Variants in NFIC observed in about 807,000 individuals in gnomAD.
The protein encoded by NFIC is nuclear factor 1 C-type.
A neutral mutation model predicts 54.4 loss-of-function variants in NFIC; 12 were observed. The ratio of observed to expected loss-of-function variants is 0.22; its 90% CI spans 0.14 to 0.36. The LOEUF (loss-of-function observed/expected upper bound fraction) is 0.36, where lower values mean the gene tolerates loss of function less well. Among genes scored for constraint, NFIC ranks in the 10% least tolerant of loss-of-function variants. The pLI, the probability that NFIC is intolerant of heterozygous loss-of-function variation, is 1.00. For missense variants in NFIC, 575 were observed against 718.2 expected, an observed-to-expected ratio of 0.80 and a Z score of 2.28; for synonymous variants, 322 against 319.2, an observed-to-expected ratio of 1.01 and a Z score of -0.09.
chr19:3,464,227 G>A lies in NFIC; in HGVS notation c.*1458G>A, dbSNP rs747690765. 9.8e-5 allele frequency: 97 copies of A among 985,224 alleles called. No individual in the cohort carries two copies. Among genetic ancestry groups the A allele is most frequent in the Non-Finnish European group, 1.2e-4 (96 of 829,942 alleles). The allele number at this position is 985,224 out of a possible 1,614,324, so 61.0% of individuals were successfully genotyped here. On this transcript the variant is annotated 3_prime_UTR_variant, in exon 11 of 11. Transcript: ENST00000443272. ...CGTGCATCACGGCTGGGCCCCCAGA[G>A]GAGAGAGGAGGCCGACGCCAGCGGT...
intron 2 of NFIC, among the ~76,000 whole-genome samples, chr19:3,407,301 G>A (rs905264580): frequency 6.6e-6 from 1 of 151,784 alleles, no homozygotes; most frequent in Non-Finnish European, 1.5e-5. Flanking sequence ...TTTTAGTAGA[G>A]ACGGGGTTTC....
intron 2 of NFIC, among the ~76,000 whole-genome samples, chr19:3,407,793 G>A (rs1381879406): frequency 6.6e-6 from 1 of 152,130 alleles, no homozygotes; most frequent in Non-Finnish European, 1.5e-5. Context: ...TAGAACAAAC[G>A]TTTGCAGAAA....
At position 3,453,807 on chromosome 19, in the gene NFIC, T is replaced by G. The variant is rs376400951; in HGVS notation, c.1314T>G (p.Ser438=). The G allele has an allele frequency of 3.0e-5, 48 of 1,605,836 alleles. No individual in the cohort carries two copies. The highest frequency in any genetic ancestry group is 4.1e-5 in the Non-Finnish European group (48 of 1,176,624). ...GQLKMPSHCL[S]AQMLAPPPPG... ...TCAAAATGCCCAGCCACTGCCTTTC[T>G]GCTCAGATGCTGGCACCTCCGCCCC... The change falls in exon 9 of 11, where the codon TCT becomes TCG. Residue 438 remains serine, a synonymous_variant. Transcript: ENST00000443272. The surrounding 1 kb of genome is among the most constrained non-coding windows in gnomAD (Gnocchi z 6.7).
chr19:3,384,769 C>T (rs1010820423), intron 2 of NFIC, among the ~76,000 whole-genome samples: 1 of 152,128 alleles, frequency 6.6e-6, no homozygotes, highest in East Asian at 2.0e-4. Context: ...GAGCAACAAA[C>T]CTGCTGGGGT....
intron 1 of NFIC, among the ~76,000 whole-genome samples, chr19:3,378,616 T>C (rs538348369): frequency 3.9e-5 from 6 of 152,188 alleles, no homozygotes; most frequent in Non-Finnish European, 8.8e-5. Context: ...AGTTTCCTCA[T>C]CTGTAGCATG....
rs1238390339 is a variant in NFIC at position 3,458,371 on chromosome 19, A to G, written c.1509+1736A>G. Among the ~76,000 whole-genome samples, 2 of 152,090 alleles carry G rather than the reference A, an allele frequency of 1.3e-5. No homozygotes were observed. Among genetic ancestry groups the G allele is most frequent in the East Asian group, 1.9e-4 (1 of 5,178 alleles). ...TGGTTCAGAAACCAAAGCTAATAAA[A>G]GCTGCGGTGGGAGGAGGCCCAGCCC... is the stretch of plus-strand genomic sequence containing the variant. On this transcript the variant is annotated intron_variant, in intron 10 of 10. Transcript: ENST00000443272. This position sits in a 1 kb window ranked among gnomAD's most constrained non-coding sequence, Gnocchi z 4.1.
chr19:3,421,623 C>T (rs1363759011), intron 2 of NFIC, among the ~76,000 whole-genome samples: 1 of 152,228 alleles, frequency 6.6e-6, no homozygotes, highest in African/African-American at 2.4e-5. Context: ...GGCCCTGCTC[C>T]TGTGCTGTTC....
Position 3,452,685 on chromosome 19 carries a change from A to G in NFIC, c.1269+19A>G, listed in dbSNP as rs8105687. ...TGGACCGGTGAGTTGGGCGGGGCGC[A>G]TTCGGGCCTCTCCTGGCGGCTCCAG... On this transcript the variant is annotated intron_variant, in intron 8 of 10. Transcript: ENST00000443272. This position sits in a 1 kb window ranked among gnomAD's most constrained non-coding sequence, Gnocchi z 5.3. The G allele has an allele frequency of 0.66, 1,038,407 of 1,575,376 alleles. 345,911 individuals carry two copies. Among genetic ancestry groups the G allele is most frequent in the African/African-American group, 0.71 (52,585 of 74,322 alleles).
intron 1 of NFIC, among the ~76,000 whole-genome samples, chr19:3,368,676 T>G (rs566629570): frequency 6.6e-6 from 1 of 151,954 alleles, no homozygotes; most frequent in African/African-American, 2.4e-5. Context: ...GGACCCCCTT[T>G]CCAGTTTGTC....
At chr19:3,451,370 T>TG (rs1219936435) in intron 7 of NFIC, among the ~76,000 whole-genome samples, 1 of 152,040 alleles carries the variant, frequency 6.6e-6, no homozygotes, top group African/African-American at 2.4e-5. Context: ...CAGTGGCTCA[T>TG]GCCTGCAATC....
At chr19:3,428,586 C>T (rs774500665) in intron 3 of NFIC, among the ~76,000 whole-genome samples, 18 of 152,100 alleles carry the variant, frequency 1.2e-4, no homozygotes, top group South Asian at 2.1e-4. Flanking sequence ...GGCCACTCCT[C>T]ACTGGCCCCC....
Position 3,425,145 on chromosome 19 carries a change from C to G in NFIC, c.602C>G (p.Ser201Cys). The change falls in exon 3 of 11, where the codon TCT becomes TGT. Residue 201 changes from serine (S) to cysteine (C), a missense_variant. Around this residue, in one of 3 missense-constraint regions of NFIC, gnomAD observed 447 missense variants for 526.9 expected, o/e 0.85. Transcript: ENST00000443272. ...QSGSPRTGMGSDQEDSKPITL... is the reference protein window; with the variant it reads ...QSGSPRTGMGCDQEDSKPITL... ...GGCAGTCCCCGGACAGGGATGGGCT[C>G]TGACCAGGAGGACAGCAAGCCCATC... 1 of 1,613,024 alleles carries G rather than the reference C, an allele frequency of 6.2e-7. No homozygotes were observed. The highest frequency in any genetic ancestry group is 8.5e-7 in the Non-Finnish European group (1 of 1,179,950).
chr19:3,371,321 A>ACTTTTTTTTTTT (rs1555739022), intron 1 of NFIC: 2 of 124,532 alleles, frequency 1.6e-5, no homozygotes, highest in Non-Finnish European at 1.7e-5. Flanking sequence ...AGGCAGCACA[A>ACTTTTTTTTTTT]TTTTTTTTTT....
chr19:3,414,718 A>G (rs772169424), intron 2 of NFIC, among the ~76,000 whole-genome samples: 8 of 152,190 alleles, frequency 5.3e-5, no homozygotes, highest in Admixed American at 2.0e-4. Flanking sequence ...ATCTAATGTC[A>G]GAACCCACGA....
At chr19:3,435,323 G>C in intron 6 of NFIC, 116 bp downstream of exon 6, 1 of 1,370,756 alleles carries the variant, frequency 7.3e-7, no homozygotes, top group Non-Finnish European at 9.6e-7. Context: ...GCCTGGAGCC[G>C]CGGGGCCTCC....
intron 1 of NFIC, among the ~76,000 whole-genome samples, chr19:3,372,016 T>A (rs1419121282): frequency 7.6e-6 from 1 of 130,778 alleles, no homozygotes. Flanking sequence ...TCTCTCTCTC[T>A]CTCTCTCTCT....
intron 2 of NFIC, among the ~76,000 whole-genome samples, chr19:3,413,671 G>C (rs891994922): frequency 1.3e-5 from 2 of 152,022 alleles, no homozygotes; most frequent in Admixed American, 6.6e-5. Flanking sequence ...ATGGAGTCTC[G>C]CTCTGTCTCC....
chr19:3,425,464 CATTT>C (rs1389233559), intron 3 of NFIC, among the ~76,000 whole-genome samples: 3 of 152,102 alleles, frequency 2.0e-5, no homozygotes, highest in Non-Finnish European at 4.4e-5. Context: ...TGTTTTCATT[CATTT>C]ATTTATTTTG....
chr19:3,444,421 G>A (rs2082339971), intron 6 of NFIC, among the ~76,000 whole-genome samples: 1 of 152,226 alleles, frequency 6.6e-6, no homozygotes, highest in African/African-American at 2.4e-5. Context: ...ACTGAGATGG[G>A]CGGGGGACGC....
Sources: gnomAD v4.1 joint callset for allele counts (sites outside exome capture counted in the v4.1 genomes callset) on GRCh38, gnomAD v4.1.1 for gene constraint, gnomAD v4.1.1 regional missense constraint, Gnocchi (gnomAD v3.1) non-coding constraint, MANE v1.5 for transcripts, NCBI Gene and HGNC (gene_info 2026-07-23, HGNC 2026-07-21) for gene names.